The following EMID1 variants were observed in gnomAD, a reference collection of about 807,000 sequenced individuals.
EMID1 encodes EMI domain containing 1, also known as EMI domain-containing protein 1.
EMID1 carries 40 observed loss-of-function variants against 60.6 expected under a neutral mutation model. That is an observed-to-expected ratio of 0.66 (90% CI 0.51 to 0.86). EMID1 has a LOEUF of 0.86. Ranked by LOEUF, EMID1 falls within the 40% of genes least tolerant of loss-of-function variation. The probability of loss-of-function intolerance (pLI) is 0.00; values close to 1 mark genes in which losing one functional copy is unlikely to be tolerated. For synonymous variants in EMID1, 242 were observed against 231.0 expected, an observed-to-expected ratio of 1.05 and a Z score of -0.43; for missense variants, 585 against 597.1, an observed-to-expected ratio of 0.98 and a Z score of 0.21.
chr22:29,225,179 C>T lies in EMID1; in HGVS notation c.366C>T (p.Thr122=), dbSNP rs898189138. Residue 122 remains threonine (T), a synonymous_variant, in exon 4 of 15, where the codon ACC becomes ACT. Transcript: ENST00000334018. ...ASLEPMWSGS[T]MRRMALRPTA... is the part of the protein sequence containing the mutation. ...TGGAGCCCATGTGGTCGGGCAGTAC[C>T]ATGCGGCGGATGGCGCTTCGGCCCA... 10 of 1,613,880 alleles carry T rather than the reference C, an allele frequency of 6.2e-6. No individual in the cohort carries two copies. The highest frequency in any genetic ancestry group is 8.5e-6 in the Non-Finnish European group (10 of 1,180,014).
At chr22:29,255,310 C>T in intron 14 of EMID1, 1 of 1,520,940 alleles carries the variant, frequency 6.6e-7, no homozygotes, top group Non-Finnish European at 8.9e-7. Context: ...GCAGGCTCAG[C>T]TGGAGCTCCT....
intron 1 of EMID1, among the ~76,000 whole-genome samples, chr22:29,207,380 T>C (rs2039710139): frequency 6.6e-6 from 1 of 152,204 alleles, no homozygotes; most frequent in African/African-American, 2.4e-5. Context: ...GTATGCTCTT[T>C]ATGATTCTGT....
chr22:29,246,960 T>C (rs1414739826), intron 13 of EMID1, among the ~76,000 whole-genome samples: 1 of 150,034 alleles, frequency 6.7e-6, no homozygotes, highest in East Asian at 2.0e-4. Flanking sequence ...GCCTCCCCAA[T>C]ATTTTTGTTT....
intron 12 of EMID1, among the ~76,000 whole-genome samples, chr22:29,241,967 A>G (rs1231239749): frequency 1.3e-5 from 2 of 152,044 alleles, no homozygotes; most frequent in African/African-American, 4.8e-5. Context: ...CTGGAGTGCA[A>G]TGGTGTGATC....
intron 14 of EMID1, among the ~76,000 whole-genome samples, chr22:29,255,804 A>G (rs913491251): frequency 6.6e-6 from 1 of 152,166 alleles, no homozygotes; most frequent in African/African-American, 2.4e-5. Context: ...GAAGACTTGA[A>G]GGGCAAGGAT....
chr22:29,250,162 G>A (rs912072192), intron 13 of EMID1, among the ~76,000 whole-genome samples: 2 of 152,182 alleles, frequency 1.3e-5, no homozygotes, highest in Admixed American at 6.5e-5. Flanking sequence ...AGGCTGAGAC[G>A]GGAGGATCAT....
chr22:29,241,955 G>A (rs530209606), intron 12 of EMID1, among the ~76,000 whole-genome samples: 1 of 152,134 alleles, frequency 6.6e-6, no homozygotes, highest in Non-Finnish European at 1.5e-5. Flanking sequence ...CTGTCACCCA[G>A]GCTGGAGTGC....
At chr22:29,206,664 A>G (rs770013351) in intron 1 of EMID1, among the ~76,000 whole-genome samples, 7 of 152,132 alleles carry the variant, frequency 4.6e-5, no homozygotes, top group Admixed American at 2.0e-4. Context: ...GACAGAGAAA[A>G]GAGGGAGCAC....
At chr22:29,215,795 C>T (rs978682182) in intron 3 of EMID1, among the ~76,000 whole-genome samples, 165 bp downstream of exon 3, 1 of 152,132 alleles carries the variant, frequency 6.6e-6, no homozygotes, top group African/African-American at 2.4e-5. Context: ...TGTTGTCCCC[C>T]CTGCCCCCCA....
intron 3 of EMID1, among the ~76,000 whole-genome samples, chr22:29,221,435 C>T (rs1322004030): frequency 2.0e-5 from 3 of 152,076 alleles, no homozygotes; most frequent in African/African-American, 2.4e-5. Flanking sequence ...AGTGCAGTGG[C>T]GCGATCTCGG....
At chr22:29,232,846 C>T in intron 8 of EMID1, 1 of 178,772 alleles carries the variant, frequency 5.6e-6, no homozygotes, top group Admixed American at 5.5e-5. Flanking sequence ...CCTTTGGCAG[C>T]CCAGCCTGAC....
intron 1 of EMID1, among the ~76,000 whole-genome samples, chr22:29,213,549 G>A (rs540784273): frequency 6.6e-6 from 1 of 152,176 alleles, no homozygotes; most frequent in African/African-American, 2.4e-5. Flanking sequence ...TTCTCCTTCT[G>A]GTGGTCTGGG....
chr22:29,245,400 C>T (rs932384162), intron 13 of EMID1, among the ~76,000 whole-genome samples: 2 of 152,184 alleles, frequency 1.3e-5, no homozygotes, highest in African/African-American at 4.8e-5. Context: ...GGCAGGATGC[C>T]CTGGCCACCC....
intron 5 of EMID1, among the ~76,000 whole-genome samples, chr22:29,227,379 T>A (rs1410840128): frequency 6.6e-6 from 1 of 151,346 alleles, no homozygotes; most frequent in East Asian, 1.9e-4. Context: ...TGTGAGCCGC[T>A]GCGCTGCCAT....
At chr22:29,235,107 G>C (rs915710376) in intron 12 of EMID1, among the ~76,000 whole-genome samples, 4 of 152,076 alleles carry the variant, frequency 2.6e-5, no homozygotes, top group Admixed American at 2.6e-4. Flanking sequence ...TAGCACTTTG[G>C]GGGGCTGAGA....
chr22:29,230,155 A>C (rs551284543), intron 5 of EMID1, among the ~76,000 whole-genome samples: 4 of 152,304 alleles, frequency 2.6e-5, no homozygotes, highest in African/African-American at 7.2e-5. Context: ...CAATGTGGTC[A>C]AACCCCATCT....
rs990583081 is a variant in EMID1, at chr22:29,206,046, G to A, written c.8G>A (p.Gly3Asp). The change falls in exon 1 of 15, where the codon GGC (glycine) becomes GAC (aspartate). Residue 3 changes from glycine to aspartate, a missense_variant. By Grantham distance (94) the Gly-to-Asp change is moderately conservative (BLOSUM62 -1). Coordinates refer to ENST00000334018, the MANE Select transcript of EMID1 (RefSeq NM_133455.4). ...GAGGGCGCCTGGTGCAGCATGGGCG[G>A]CCCGCGGGCTTGGGCGCTGCTCTGC... The part of the protein sequence containing the change: MG[G>D]PRAWALLCLG... The A allele has an allele frequency of 4.5e-5, 55 of 1,226,782 alleles. No homozygotes were observed. Among genetic ancestry groups the A allele is most frequent in the Non-Finnish European group, 5.6e-5 (55 of 984,892 alleles). The allele number at this position is 1,226,782 out of a possible 1,614,324, so 76.0% of individuals were successfully genotyped here.
intron 1 of EMID1, among the ~76,000 whole-genome samples, chr22:29,206,369 C>A: frequency 6.6e-6 from 1 of 152,192 alleles, no homozygotes; most frequent in East Asian, 1.9e-4. Flanking sequence ...CCCAGGAGCT[C>A]GAGAGGAGGG....
At chr22:29,243,016 A>G (rs1226985641) in intron 12 of EMID1, among the ~76,000 whole-genome samples, 2 of 152,168 alleles carry the variant, frequency 1.3e-5, no homozygotes, top group Non-Finnish European at 2.9e-5. Flanking sequence ...AGAAAGGAAC[A>G]TTTATGCAGA....
Sources: allele counts gnomAD v4.1 joint callset (sites outside exome capture counted in the v4.1 genomes callset), GRCh38; gene constraint gnomAD v4.1.1; transcripts MANE v1.5; gene names NCBI Gene and HGNC (gene_info 2026-07-23, HGNC 2026-07-21).